IMPG1: variants seen among roughly 807,000 people sequenced by gnomAD.
IMPG1 encodes interphotoreceptor matrix proteoglycan 1, also known as interphotoreceptor matrix proteoglycan of 150 kDa.
In IMPG1, 85 loss-of-function variants were observed where a neutral mutation model predicts 92.0. That is an observed-to-expected ratio of 0.92 (90% CI 0.78 to 1.11). The LOEUF (loss-of-function observed/expected upper bound fraction) is 1.11, where lower values mean the gene tolerates loss of function less well. Ranked by LOEUF, IMPG1 falls within the 50% of genes least tolerant of loss-of-function variation. The pLI, the probability that IMPG1 is intolerant of heterozygous loss-of-function variation, is 0.00. For synonymous variants in IMPG1, 367 were observed against 334.1 expected (o/e 1.10, Z -1.08); for missense variants, 1,022 against 956.0 (o/e 1.07, Z -0.91).
chr6:76,025,693 G>T (rs1053232724), intron 4 of IMPG1, among the ~76,000 whole-genome samples: 1 of 152,166 alleles, frequency 6.6e-6, no homozygotes, highest in African/African-American at 2.4e-5. Context: ...ATCTAATAAA[G>T]TAACTCTTGT....
intron 13 of IMPG1, among the ~76,000 whole-genome samples, chr6:75,949,030 A>C (rs938325222): frequency 6.6e-6 from 1 of 152,200 alleles, no homozygotes; most frequent in Non-Finnish European, 1.5e-5. Flanking sequence ...CTACCCATCA[A>C]GTGAAAGAGA....
chr6:76,033,038 A>G (rs1433564987), intron 4 of IMPG1, among the ~76,000 whole-genome samples: 4 of 152,200 alleles, frequency 2.6e-5, no homozygotes, highest in African/African-American at 9.7e-5. Flanking sequence ...TGTGAAGAGT[A>G]TAAGAGCAAC....
At chr6:75,988,101 T>C (rs1183670117) in intron 12 of IMPG1, among the ~76,000 whole-genome samples, 2 of 152,248 alleles carry the variant, frequency 1.3e-5, no homozygotes, top group African/African-American at 4.8e-5. Flanking sequence ...TGTGTCTTTA[T>C]AGCAGCATGA....
chr6:76,002,933 C>T lies in IMPG1; in HGVS notation c.1276G>A (p.Glu426Lys), dbSNP rs368892463. The T allele has an allele frequency of 1.5e-5, 24 of 1,613,100 alleles. No homozygotes were observed. The highest frequency in any genetic ancestry group is 6.7e-5 in the Admixed American group (4 of 59,950). The change falls in exon 12 of 17, where the codon GAG becomes AAG. Residue 426 changes from glutamate (E) to lysine (K), a missense_variant. By Grantham distance (56) the Glu-to-Lys change is moderately conservative. Around this residue, in one of 3 missense-constraint regions of IMPG1, gnomAD observed 681 missense variants for 583.6 expected, o/e 1.17. Coordinates refer to ENST00000369950, the MANE Select transcript of IMPG1 (RefSeq NM_001563.4). ...GGAAACTTACCAGGTAGACCATGCT[C>T]TGCTCCGTCCACTGTCTCAAGCTGG... ...EPQLETVDGAEHGLPDTSWSP... is the reference protein window; with the variant it reads ...EPQLETVDGAKHGLPDTSWSP...
chr6:75,952,440 T>C (rs1782049083), intron 12 of IMPG1, among the ~76,000 whole-genome samples: 1 of 152,190 alleles, frequency 6.6e-6, no homozygotes, highest in African/African-American at 2.4e-5. Context: ...TTTATTACTT[T>C]CTTAAAATAA....
rs566865541 is a variant in IMPG1, at chr6:76,020,716, A to C, written c.666+1400T>G. On this transcript the variant is annotated intron_variant, in intron 6 of 16. Transcript: ENST00000369950. ...CACACATGGCTAATGAGTGAGGACTAAGCTCTGAGTTTTTCTTATCTTGCC... is the reference window on the plus strand; with the variant it reads ...CACACATGGCTAATGAGTGAGGACTCAGCTCTGAGTTTTTCTTATCTTGCC... 4.6e-5 allele frequency among the ~76,000 whole-genome samples: 7 copies of C among 152,258 alleles called. No homozygotes were observed. The East Asian group carries it at 1.4e-3, about 29-fold the overall frequency.
rs182184589 is a variant in IMPG1, at chr6:75,929,455, A to G, written c.2243+1498T>C. 6.6e-4 allele frequency among the ~76,000 whole-genome samples: 100 copies of G among 151,542 alleles called. No individual in the cohort carries two copies. In the East Asian group the frequency reaches 0.018, roughly 27 times the overall value. On this transcript the variant is annotated intron_variant, in intron 15 of 16. Transcript: ENST00000369950. ...ATTCTCAGCAAACTATCACAAGGAC[A>G]AAAAACCAAACACTGCATGTTCTCA...
intron 8 of IMPG1, among the ~76,000 whole-genome samples, chr6:76,008,681 G>A (rs1783134604): frequency 6.6e-6 from 1 of 152,164 alleles, no homozygotes; most frequent in African/African-American, 2.4e-5. Context: ...CCTGGGTCAA[G>A]ACCCTAGTCC....
intron 1 of IMPG1, among the ~76,000 whole-genome samples, chr6:76,052,589 C>T (rs1784062363): frequency 6.6e-6 from 1 of 151,982 alleles, no homozygotes; most frequent in Non-Finnish European, 1.5e-5. Context: ...AGTACTGTGC[C>T]AGGGGTTGTG....
intron 1 of IMPG1, among the ~76,000 whole-genome samples, chr6:76,065,316 T>C (rs1231575399): frequency 6.6e-6 from 1 of 151,804 alleles, no homozygotes; most frequent in East Asian, 1.9e-4. Context: ...TAAGAGAAAG[T>C]TGAAAACAAA....
chr6:76,001,395 G>A (rs1782986741), intron 12 of IMPG1, among the ~76,000 whole-genome samples: 1 of 152,156 alleles, frequency 6.6e-6, no homozygotes, highest in African/African-American at 2.4e-5. Flanking sequence ...AATTATAAAT[G>A]GCATAAATTC....
At chr6:76,033,108 TG>T (rs2149487548) in intron 4 of IMPG1, among the ~76,000 whole-genome samples, 1 of 152,198 alleles carries the variant, frequency 6.6e-6, no homozygotes, top group Admixed American at 6.5e-5. Context: ...AAAATATCCT[TG>T]GGGCCAGAAG....
intron 1 of IMPG1, among the ~76,000 whole-genome samples, chr6:76,045,618 A>G (rs1016394567): frequency 6.6e-6 from 1 of 151,946 alleles, no homozygotes; most frequent in Non-Finnish European, 1.5e-5. Flanking sequence ...GTGAGAGATC[A>G]GGAACTTAGG....
At chr6:76,017,640 A>G (rs1195960875) in intron 7 of IMPG1, among the ~76,000 whole-genome samples, 1 of 152,226 alleles carries the variant, frequency 6.6e-6, no homozygotes, top group Non-Finnish European at 1.5e-5. Context: ...ATAAGTATAT[A>G]CCAGTGAAAC....
chr6:75,991,072 C>T (rs960148482), intron 12 of IMPG1, among the ~76,000 whole-genome samples: 1 of 152,118 alleles, frequency 6.6e-6, no homozygotes, highest in African/African-American at 2.4e-5. Flanking sequence ...TCTCTGGCCT[C>T]AAACCATTTG....
intron 1 of IMPG1, among the ~76,000 whole-genome samples, chr6:76,064,171 A>G (rs569253560): frequency 6.6e-6 from 1 of 152,046 alleles, no homozygotes; most frequent in South Asian, 2.1e-4. Context: ...AGAATGGAGG[A>G]CAGCCATTCT....
At chr6:75,980,440 G>T (rs1269042039) in intron 12 of IMPG1, among the ~76,000 whole-genome samples, 1 of 152,204 alleles carries the variant, frequency 6.6e-6, no homozygotes, top group African/African-American at 2.4e-5. Context: ...ATCTGTGAGG[G>T]TGTTGCCAAA....
chr6:75,939,078 A>T (rs1000901395), intron 14 of IMPG1, among the ~76,000 whole-genome samples: 2 of 152,122 alleles, frequency 1.3e-5, no homozygotes, highest in African/African-American at 4.8e-5. Context: ...GGCTCAAGCA[A>T]TCCACCTGCC....
chr6:75,998,193 G>C (rs949303501), intron 12 of IMPG1, among the ~76,000 whole-genome samples: 1 of 152,168 alleles, frequency 6.6e-6, no homozygotes, highest in Non-Finnish European at 1.5e-5. Flanking sequence ...AGATTAAAAA[G>C]GGAACTAGAT....
Sources: allele counts gnomAD v4.1 joint callset (sites outside exome capture counted in the v4.1 genomes callset), GRCh38; gene constraint gnomAD v4.1.1; regional missense constraint gnomAD v4.1.1; transcripts MANE v1.5; gene names NCBI Gene and HGNC (gene_info 2026-07-23, HGNC 2026-07-21).